WDPCP: variants seen among roughly 807,000 people sequenced by gnomAD.
The protein encoded by WDPCP is WD repeat containing planar cell polarity effector, also known as WD repeat-containing and planar cell polarity effector protein fritz homolog.
WDPCP carries 71 observed loss-of-function variants against 93.1 expected under a neutral mutation model. The observed-to-expected ratio is 0.76, with a 90% CI of 0.63 to 0.93. The LOEUF is 0.93. WDPCP is among the 40% of genes least tolerant of loss of function. WDPCP has a pLI of 0.00. For synonymous variants in WDPCP, 315 were observed against 315.0 expected (o/e 1.00, Z 0.00); for missense variants, 844 against 887.4 (o/e 0.95, Z 0.62).
intron 12 of WDPCP, among the ~76,000 whole-genome samples, chr2:63,358,262 G>A (rs1202340366): frequency 6.6e-6 from 1 of 151,574 alleles, no homozygotes; most frequent in Non-Finnish European, 1.5e-5. Context: ...AAAAATCATG[G>A]TTGTATTTGC....
intron 6 of WDPCP, among the ~76,000 whole-genome samples, chr2:63,468,293 G>A (rs1474154686): frequency 6.6e-6 from 1 of 152,058 alleles, no homozygotes; most frequent in African/African-American, 2.4e-5. Flanking sequence ...CACATGGCTA[G>A]TACTATCTTG....
intron 1 of WDPCP, among the ~76,000 whole-genome samples, chr2:63,548,076 GA>G (rs1194048486): frequency 6.6e-6 from 1 of 151,736 alleles, no homozygotes; most frequent in East Asian, 1.9e-4. Context: ...AAATATTAAT[GA>G]AAAACTTAAG....
intron 14 of WDPCP, among the ~76,000 whole-genome samples, chr2:63,213,391 T>A (rs1253670872): frequency 3.9e-5 from 6 of 152,154 alleles, no homozygotes; most frequent in Admixed American, 3.9e-4. Flanking sequence ...TATAATGAAA[T>A]GAAGGCAGAA....
rs568379307 is a variant in WDPCP at position 63,288,626 on chromosome 2, G to A, written c.1812+24622C>T. ...CCAACATATTCTTGAATACCTCAGC[G>A]TTTCTTTTCCACAAATTAGGACATT... On this transcript the variant is annotated intron_variant, in intron 13 of 17. Coordinates refer to ENST00000272321, the MANE Select transcript of WDPCP (RefSeq NM_015910.7). Among the ~76,000 whole-genome samples, 21 of 152,202 alleles carry A rather than the reference G, an allele frequency of 1.4e-4. No homozygotes were observed. In the South Asian group the frequency reaches 1.5e-3, roughly 11 times the overall value.
chr2:63,512,159 A>T (rs1702276661), intron 1 of WDPCP, among the ~76,000 whole-genome samples: 1 of 152,252 alleles, frequency 6.6e-6, no homozygotes, highest in Non-Finnish European at 1.5e-5. Flanking sequence ...ATCACTGGTT[A>T]TCAAACAAAT....
At chr2:63,187,927 C>A (rs1026034914) in intron 14 of WDPCP, among the ~76,000 whole-genome samples, 1 of 152,038 alleles carries the variant, frequency 6.6e-6, no homozygotes, top group African/African-American at 2.4e-5. Context: ...CTGGAAAGGT[C>A]TTCATTTCTT....
chr2:63,149,157 T>C (rs904749794), intron 17 of WDPCP, among the ~76,000 whole-genome samples: 10 of 152,090 alleles, frequency 6.6e-5, no homozygotes, highest in African/African-American at 2.2e-4. Flanking sequence ...TAAAGACTAC[T>C]ACAAATCAGT....
chr2:63,204,417 C>CT (rs1676169774), intron 14 of WDPCP, among the ~76,000 whole-genome samples: 1 of 145,450 alleles, frequency 6.9e-6, no homozygotes, highest in South Asian at 2.3e-4. Context: ...TCTTGGCTCA[C>CT]TGCAACCTCC....
At chr2:63,579,226 A>G (rs1455095585) in intron 1 of WDPCP, among the ~76,000 whole-genome samples, 2 of 152,226 alleles carry the variant, frequency 1.3e-5, no homozygotes, top group Non-Finnish European at 2.9e-5. Context: ...AGGCCAGTAA[A>G]TAAGTGTTAA....
chr2:63,328,638 G>A (rs190730462), intron 12 of WDPCP, among the ~76,000 whole-genome samples: 11 of 152,286 alleles, frequency 7.2e-5, no homozygotes, highest in Non-Finnish European at 1.6e-4. Context: ...AAGTCAGTGA[G>A]ACCAAGAACC....
chr2:63,823,214 A>C (rs980799197), intron 1 of WDPCP, among the ~76,000 whole-genome samples: 9 of 151,402 alleles, frequency 5.9e-5, no homozygotes, highest in African/African-American at 1.2e-4. Flanking sequence ...AAAAAAAAAA[A>C]CAAAAAACTT....
At chr2:63,614,045 C>T (rs1027980757) in intron 3 of WDPCP, among the ~76,000 whole-genome samples, 42 of 152,152 alleles carry the variant, frequency 2.8e-4, no homozygotes, top group African/African-American at 1.0e-3. Flanking sequence ...TAAGAACCTC[C>T]GTTCACAGGG....
chr2:63,605,882 C>A, intron 3 of WDPCP: 2 of 1,367,958 alleles, frequency 1.5e-6, no homozygotes, highest in South Asian at 2.3e-5. Context: ...TTTATTAGTT[C>A]ATGTGTCAGT....
chr2:63,125,049 T>C (rs980989339), intron 17 of WDPCP, among the ~76,000 whole-genome samples: 3 of 152,354 alleles, frequency 2.0e-5, no homozygotes, highest in African/African-American at 7.2e-5. Context: ...TGACCAGCTA[T>C]TCAAGTTTCA....
chr2:63,229,038 C>G (rs555169992), intron 14 of WDPCP: 1 of 152,276 alleles, frequency 6.6e-6, no homozygotes, highest in Non-Finnish European at 1.5e-5. Context: ...AACTAGTTTA[C>G]AGTCCCACCA....
chr2:63,373,016 C>G (rs549677766), intron 12 of WDPCP, among the ~76,000 whole-genome samples: 2 of 151,822 alleles, frequency 1.3e-5, no homozygotes, highest in Non-Finnish European at 2.9e-5. Flanking sequence ...CTAGCTACCT[C>G]GGAGGATGAG....
At chr2:63,573,561 G>A (rs975344982) in intron 1 of WDPCP, among the ~76,000 whole-genome samples, 1 of 151,934 alleles carries the variant, frequency 6.6e-6, no homozygotes, top group Non-Finnish European at 1.5e-5. Context: ...CATCATCTTC[G>A]TAAGCTGAGG....
At chr2:63,147,967 C>CAAAAA (rs11331152) in intron 17 of WDPCP, among the ~76,000 whole-genome samples, 1 of 87,518 alleles carries the variant, frequency 1.1e-5, no homozygotes, top group Admixed American at 1.2e-4. Flanking sequence ...GACTCTGTCT[C>CAAAAA]AAAAAAAAAA....
At chr2:63,305,833 G>C (rs976463952) in intron 13 of WDPCP, among the ~76,000 whole-genome samples, 12 of 151,970 alleles carry the variant, frequency 7.9e-5, no homozygotes, top group South Asian at 2.1e-4. Flanking sequence ...TTGCTAACTA[G>C]AATAACCAGT....
Sources: allele counts gnomAD v4.1 joint callset (sites outside exome capture counted in the v4.1 genomes callset), GRCh38; gene constraint gnomAD v4.1.1; transcripts MANE v1.5; gene names NCBI Gene and HGNC (gene_info 2026-07-23, HGNC 2026-07-21).